The following CASP6 variants were observed in gnomAD, a reference collection of about 807,000 sequenced individuals.
CASP6 encodes the protein caspase 6.
A neutral mutation model predicts 31.8 loss-of-function variants in CASP6; 20 were observed. The observed-to-expected ratio is 0.63, with a 90% confidence interval of 0.44 to 0.91. The LOEUF is 0.91. Among genes scored for constraint, CASP6 ranks in the 40% least tolerant of loss-of-function variants. CASP6 has a pLI of 0.00. For synonymous variants in CASP6, 130 were observed against 127.8 expected (o/e 1.02, Z -0.12); for missense variants, 328 against 361.1 (o/e 0.91, Z 0.74).
upstream of CASP6, among the ~76,000 whole-genome samples, chr4:109,708,354 T>C (rs193225360): frequency 2.6e-5 from 4 of 152,352 alleles, no homozygotes; most frequent in Admixed American, 2.6e-4. Context: ...GGACTCAGAA[T>C]ACTGCCTGCC....
chr4:109,705,272 G>C (rs1277369020), upstream of CASP6, among the ~76,000 whole-genome samples: 1 of 152,146 alleles, frequency 6.6e-6, no homozygotes, highest in Non-Finnish European at 1.5e-5. Context: ...TCTATTTACA[G>C]CATGGCTTAG....
chr4:109,700,174 G>C (rs554272245), intron 1 of CASP6, among the ~76,000 whole-genome samples: 1 of 152,160 alleles, frequency 6.6e-6, no homozygotes, highest in African/African-American at 2.4e-5. Context: ...ATGTATTCTT[G>C]CTTGGGTCTT....
At chr4:109,693,810 C>T (rs1730153259) in intron 5 of CASP6, among the ~76,000 whole-genome samples, 1 of 150,798 alleles carries the variant, frequency 6.6e-6, no homozygotes, top group Non-Finnish European at 1.5e-5. Flanking sequence ...ATGCTCTCGG[C>T]TAACTACAGC....
chr4:109,707,277 T>C (rs1322292390), upstream of CASP6, among the ~76,000 whole-genome samples: 1 of 152,196 alleles, frequency 6.6e-6, no homozygotes, highest in Non-Finnish European at 1.5e-5. Flanking sequence ...TCCTGTTTCA[T>C]GTGTAGTCCT....
chr4:109,671,652 C>T, the CASP6 span, among the ~76,000 whole-genome samples: 2 of 152,296 alleles, frequency 1.3e-5, no homozygotes, highest in East Asian at 1.9e-4. Flanking sequence ...CCATTAGAGC[C>T]TTTAATCATA....
At chr4:109,673,741 C>A in the CASP6 span, 8 of 525,546 alleles carry the variant, frequency 1.5e-5, no homozygotes, top group Non-Finnish European at 2.7e-5. Flanking sequence ...ACAAGGAAGA[C>A]ACATAAATGA....
At chr4:109,707,660 G>A (rs1164610765), upstream of CASP6, among the ~76,000 whole-genome samples, 5 of 152,026 alleles carry the variant, frequency 3.3e-5, no homozygotes, top group Admixed American at 3.3e-4. Flanking sequence ...TGGGATTACG[G>A]GCATGAGCCA....
chr4:109,678,460 CTCACCTCCCAGACGGGGCGG>C, the CASP6 span, among the ~76,000 whole-genome samples: 1 of 148,196 alleles, frequency 6.7e-6, no homozygotes, highest in East Asian at 2.0e-4. Flanking sequence ...AGAGACGCTC[CTCACCTCCCAGACGGGGCGG>C]CCGGGCAGAG....
At chr4:109,664,488 C>T in the CASP6 span, 34 of 601,280 alleles carry the variant, frequency 5.7e-5, no homozygotes, top group Admixed American at 6.8e-4. Flanking sequence ...ACAGTGACGT[C>T]GTCATAGCTC....
chr4:109,709,529 C>T, the CASP6 span, among the ~76,000 whole-genome samples: 2 of 152,176 alleles, frequency 1.3e-5, no homozygotes, highest in Non-Finnish European at 2.9e-5. Context: ...GTCTTCATTA[C>T]AGCTTCTCTG....
At chr4:109,676,635 G>A in the CASP6 span, among the ~76,000 whole-genome samples, 1 of 152,154 alleles carries the variant, frequency 6.6e-6, no homozygotes, top group Admixed American at 6.5e-5. Flanking sequence ...TGTTATAGCA[G>A]TAACTCTGCT....
chr4:109,707,826 A>G (rs539865861), upstream of CASP6, among the ~76,000 whole-genome samples: 1 of 152,216 alleles, frequency 6.6e-6, no homozygotes, highest in Non-Finnish European at 1.5e-5. Context: ...AATAGCAGCC[A>G]AACAGTGTGC....
upstream of CASP6, among the ~76,000 whole-genome samples, chr4:109,704,455 AAC>A (rs1491023841): frequency 6.6e-6 from 1 of 152,230 alleles, no homozygotes. Flanking sequence ...AGAAGATAAA[AAC>A]AGCCACAACA....
chr4:109,684,901 C>T, downstream of CASP6: 1 of 398,120 alleles, frequency 2.5e-6, no homozygotes, highest in Non-Finnish European at 4.4e-6. Flanking sequence ...TTCTCTGTGC[C>T]CTCATTTATA....
intron 6 of CASP6, among the ~76,000 whole-genome samples, chr4:109,690,026 A>G (rs914490786): frequency 8.6e-5 from 13 of 151,824 alleles, no homozygotes; most frequent in African/African-American, 3.1e-4. Context: ...CTCTACTAAA[A>G]CTACAAAAAT....
At chr4:109,706,936 C>T (rs1730632420), upstream of CASP6, among the ~76,000 whole-genome samples, 1 of 151,894 alleles carries the variant, frequency 6.6e-6, no homozygotes. Flanking sequence ...AGCAAACTTC[C>T]TTATTGCCTT....
the CASP6 span, among the ~76,000 whole-genome samples, chr4:109,667,310 G>A: frequency 6.6e-6 from 1 of 151,972 alleles, no homozygotes; most frequent in Non-Finnish European, 1.5e-5. Flanking sequence ...TGTGAGTTTT[G>A]ATAGATTGTA....
chr4:109,703,773 C>T (rs1205151180), upstream of CASP6, among the ~76,000 whole-genome samples: 1 of 152,212 alleles, frequency 6.6e-6, no homozygotes, highest in Non-Finnish European at 1.5e-5. Context: ...CTCATTTAAT[C>T]CCAGCTGCCC....
intron 6 of CASP6, 34 bp downstream of exon 6, chr4:109,690,816 A>G: frequency 6.4e-7 from 1 of 1,561,766 alleles, no homozygotes; most frequent in Non-Finnish European, 8.7e-7. Flanking sequence ...TAGCCAAGAG[A>G]GGCAATTATA....
Sources: gnomAD v4.1 joint callset for allele counts (sites outside exome capture counted in the v4.1 genomes callset) on GRCh38, gnomAD v4.1.1 for gene constraint, MANE v1.5 for transcripts, NCBI Gene and HGNC (gene_info 2026-07-23, HGNC 2026-07-21) for gene names.